SLC35F1: variants seen among roughly 807,000 people sequenced by gnomAD.
The protein encoded by SLC35F1 is solute carrier family 35 member F1, also known as chromosome 6 open reading frame 169.
A neutral mutation model predicts 48.7 loss-of-function variants in SLC35F1; 14 were observed. The ratio of observed to expected loss-of-function variants is 0.29; its 90% CI spans 0.19 to 0.45. SLC35F1 has a LOEUF of 0.45. Ranked by LOEUF, SLC35F1 falls within the 20% of genes least tolerant of loss-of-function variation. The pLI is 1.00. For missense variants in SLC35F1, 404 were observed against 500.0 expected, an observed-to-expected ratio of 0.81 and a Z score of 1.83; for synonymous variants, 190 against 202.2, an observed-to-expected ratio of 0.94 and a Z score of 0.51.
At chr6:118,042,190 A>G (rs1388870887) in intron 1 of SLC35F1, among the ~76,000 whole-genome samples, 1 of 152,170 alleles carries the variant, frequency 6.6e-6, no homozygotes, top group Non-Finnish European at 1.5e-5. Context: ...AGAATGCACT[A>G]TGTTCCAGGC....
At chr6:118,180,145 T>TGA (rs1774552622) in intron 2 of SLC35F1, among the ~76,000 whole-genome samples, 1 of 152,170 alleles carries the variant, frequency 6.6e-6, no homozygotes, top group Non-Finnish European at 1.5e-5. Flanking sequence ...CTAGAAAGCA[T>TGA]ATTATCTGTA....
chr6:118,192,213 G>A lies in SLC35F1; in HGVS notation c.349+37593G>A, dbSNP rs75429316. The stretch of plus-strand genomic sequence containing the variant: ...GTATAGCTAAGCAGTTTCAGTATTC[G>A]CTGATTTAACATGCAAATCTGGCAA... On this transcript the variant is annotated intron_variant, in intron 2 of 7. Transcript: ENST00000360388. Among the ~76,000 whole-genome samples the A allele has an allele frequency of 3.1e-3, 474 of 152,212 alleles. 2 individuals carry two copies. Among genetic ancestry groups the A allele is most frequent in the African/African-American group, 0.011 (461 of 41,538 alleles).
intron 3 of SLC35F1, among the ~76,000 whole-genome samples, chr6:118,243,438 AC>A (rs1209087993): frequency 2.0e-5 from 3 of 152,142 alleles, no homozygotes; most frequent in African/African-American, 7.2e-5. Context: ...ACATAGCAGG[AC>A]CCCAATTCTA....
At chr6:117,947,329 T>C (rs1228654498) in intron 1 of SLC35F1, among the ~76,000 whole-genome samples, 1 of 152,082 alleles carries the variant, frequency 6.6e-6, no homozygotes, top group Non-Finnish European at 1.5e-5. Context: ...GGGAGGACAG[T>C]GAGAAATGAG....
rs1356554997 is a variant in SLC35F1 at position 117,907,585 on chromosome 6, C to G, written c.-142C>G. 7 of 443,358 alleles carry G rather than the reference C, an allele frequency of 1.6e-5. No homozygotes were observed. Among genetic ancestry groups the G allele is most frequent in the Non-Finnish European group, 2.7e-5 (7 of 261,486 alleles). 27.5% of individuals were successfully genotyped at this position (443,358 alleles called of 1,614,324 possible). ...CGGCGGCCGTAGCCGCGGGTGCCTC[C>G]CCGCCTCACCGCTTCGCAGGCAGCA... On this transcript the variant is annotated 5_prime_UTR_variant, in exon 1 of 8. Coordinates refer to ENST00000360388, the MANE Select transcript of SLC35F1 (RefSeq NM_001029858.4).
intron 3 of SLC35F1, among the ~76,000 whole-genome samples, chr6:118,253,377 A>C (rs1775600958): frequency 6.6e-6 from 1 of 152,126 alleles, no homozygotes; most frequent in Non-Finnish European, 1.5e-5. Flanking sequence ...AAAACAGGGA[A>C]TGTTTTTGAT....
chr6:118,200,141 C>T (rs1038918939), intron 2 of SLC35F1, among the ~76,000 whole-genome samples: 18 of 149,356 alleles, frequency 1.2e-4, no homozygotes, highest in South Asian at 4.3e-4. Context: ...GTGCCAGTAC[C>T]GCTGACATAC....
At chr6:118,163,042 A>G (rs1774262399) in intron 2 of SLC35F1, among the ~76,000 whole-genome samples, 1 of 150,426 alleles carries the variant, frequency 6.6e-6, no homozygotes, top group African/African-American at 2.4e-5. Context: ...GCTCACTGCA[A>G]CCTCTCCCTC....
intron 2 of SLC35F1, among the ~76,000 whole-genome samples, chr6:118,206,026 G>A (rs1435499917): frequency 6.6e-6 from 1 of 152,186 alleles, no homozygotes; most frequent in Non-Finnish European, 1.5e-5. Context: ...CAGTGTTTGT[G>A]CTGGGGATAA....
At chr6:117,955,451 CT>C (rs1290940210) in intron 1 of SLC35F1, among the ~76,000 whole-genome samples, 1 of 152,200 alleles carries the variant, frequency 6.6e-6, no homozygotes, top group African/African-American at 2.4e-5. Context: ...CTCAGAGAGG[CT>C]GACACAGTGC....
intron 1 of SLC35F1, among the ~76,000 whole-genome samples, chr6:117,918,710 G>A (rs766844133): frequency 1.3e-5 from 2 of 152,026 alleles, no homozygotes; most frequent in Non-Finnish European, 1.5e-5. Flanking sequence ...AGAAGCTACC[G>A]CTGTTTAGAA....
intron 1 of SLC35F1, among the ~76,000 whole-genome samples, chr6:118,133,808 A>G (rs1773752572): frequency 6.6e-6 from 1 of 152,048 alleles, no homozygotes; most frequent in Non-Finnish European, 1.5e-5. Flanking sequence ...ACCTGCCGTG[A>G]CCTCCCTTGT....
chr6:118,239,600 C>G (rs1024594125), intron 3 of SLC35F1, among the ~76,000 whole-genome samples: 1 of 151,674 alleles, frequency 6.6e-6, no homozygotes, highest in Non-Finnish European at 1.5e-5. Flanking sequence ...TGAACAGTGA[C>G]AATTTATTCT....
intron 2 of SLC35F1, among the ~76,000 whole-genome samples, chr6:118,189,419 A>G (rs77032825): frequency 0.063 from 9,573 of 152,232 alleles, 540 homozygotes; most frequent in African/African-American, 0.15. Flanking sequence ...CATTGAAGAA[A>G]TGTCTATTCA....
intron 1 of SLC35F1, among the ~76,000 whole-genome samples, chr6:118,128,814 T>TA (rs201785931): frequency 6.6e-6 from 1 of 151,102 alleles, no homozygotes; most frequent in African/African-American, 2.4e-5. Context: ...AGTATAATAA[T>TA]AAAAATAAAT....
chr6:118,176,961 T>A (rs1774498400), intron 2 of SLC35F1, among the ~76,000 whole-genome samples: 1 of 152,068 alleles, frequency 6.6e-6, no homozygotes, highest in Non-Finnish European at 1.5e-5. Context: ...TCCTCCTACA[T>A]CCTTATTGCA....
chr6:118,296,252 A>G (rs1776182497), intron 7 of SLC35F1, among the ~76,000 whole-genome samples: 1 of 152,196 alleles, frequency 6.6e-6, no homozygotes, highest in Admixed American at 6.5e-5. Context: ...ATAAACCCAA[A>G]ATAGTTACTA....
intron 2 of SLC35F1, among the ~76,000 whole-genome samples, chr6:118,226,034 C>T (rs562659913): frequency 1.1e-3 from 161 of 151,962 alleles, no homozygotes; most frequent in African/African-American, 3.6e-3. Context: ...AGCAAAATGT[C>T]GAATAATTTG....
intron 6 of SLC35F1, among the ~76,000 whole-genome samples, chr6:118,283,345 C>A (rs927459060): frequency 6.6e-6 from 1 of 152,204 alleles, no homozygotes; most frequent in Admixed American, 6.5e-5. Context: ...AAACACTTGT[C>A]TTTCTGCATA....
Sources: gnomAD v4.1 joint callset for allele counts (sites outside exome capture counted in the v4.1 genomes callset) on GRCh38, gnomAD v4.1.1 for gene constraint, MANE v1.5 for transcripts, NCBI Gene and HGNC (gene_info 2026-07-23, HGNC 2026-07-21) for gene names.